The following CNKSR2 variants were observed in gnomAD, a reference collection of about 807,000 sequenced individuals.
CNKSR2 encodes the protein connector enhancer of kinase suppressor of Ras 2, also known as CNK homolog protein 2.
Under a neutral mutation model 84.4 loss-of-function variants are expected in CNKSR2, and 14 were observed. That is an observed-to-expected ratio of 0.17 (90% CI 0.11 to 0.26). CNKSR2 has a LOEUF of 0.26. Ranked by LOEUF, CNKSR2 falls within the 10% of genes least tolerant of loss-of-function variation. The pLI is 1.00. For synonymous variants in CNKSR2, 275 were observed against 277.9 expected, an observed-to-expected ratio of 0.99 and a Z score of 0.10; for missense variants, 485 against 771.2, an observed-to-expected ratio of 0.63 and a Z score of 4.40.
chrX:21,617,570 G>A (rs1218048754), intron 20 of CNKSR2, among the ~76,000 whole-genome samples: 12 of 111,631 alleles, frequency 1.1e-4, no homozygotes, highest in Admixed American at 7.6e-4. Flanking sequence ...AACTACTGTC[G>A]AAAGTTAAGG....
chrX:21,382,701 T>TA (rs2089916126), intron 1 of CNKSR2, among the ~76,000 whole-genome samples: 1 of 111,699 alleles, frequency 9.0e-6, no homozygotes, highest in South Asian at 3.7e-4. Flanking sequence ...ACCATTATCT[T>TA]ATTTATTATA....
intron 20 of CNKSR2, among the ~76,000 whole-genome samples, chrX:21,617,436 A>AT (rs1464624741): frequency 9.0e-6 from 1 of 111,696 alleles, no homozygotes; most frequent in African/African-American, 3.3e-5. Context: ...TATCTTGGAG[A>AT]TTTTTTAATT....
chrX:21,646,828 T>C (rs1193812263), intron 20 of CNKSR2, among the ~76,000 whole-genome samples: 1 of 112,035 alleles, frequency 8.9e-6, no homozygotes, highest in African/African-American at 3.2e-5. Flanking sequence ...AAAAAAAGAA[T>C]ACGATAACTA....
intron 18 of CNKSR2, among the ~76,000 whole-genome samples, chrX:21,603,048 A>G (rs2092492815): frequency 8.9e-6 from 1 of 112,196 alleles, no homozygotes; most frequent in African/African-American, 3.2e-5. Flanking sequence ...AAATTTTATT[A>G]TGGATGAAAT....
intron 4 of CNKSR2, among the ~76,000 whole-genome samples, chrX:21,449,368 A>G (rs183232250): frequency 7.3e-5 from 8 of 109,228 alleles, no homozygotes; most frequent in African/African-American, 2.7e-4. Context: ...GCAGAATGTA[A>G]CCTTAGGTTG....
intron 4 of CNKSR2, among the ~76,000 whole-genome samples, chrX:21,469,270 A>G (rs1240711381): frequency 5.4e-5 from 6 of 112,140 alleles, no homozygotes; most frequent in African/African-American, 3.2e-5. Context: ...CAAGTTCCCA[A>G]CTTTTCCCAG....
At chrX:21,524,977 T>C (rs1399171729) in intron 9 of CNKSR2, among the ~76,000 whole-genome samples, 1 of 111,186 alleles carries the variant, frequency 9.0e-6, no homozygotes, top group East Asian at 2.8e-4. Flanking sequence ...TAATATTCTG[T>C]TAAGTGAATG....
At chrX:21,601,820 A>G in intron 18 of CNKSR2, among the ~76,000 whole-genome samples, 1 of 111,982 alleles carries the variant, frequency 8.9e-6, no homozygotes, top group East Asian at 2.8e-4. Flanking sequence ...TTGCCTTGGT[A>G]TTGACCTCAG....
intron 13 of CNKSR2, among the ~76,000 whole-genome samples, chrX:21,575,888 G>A (rs752633133): frequency 2.0e-4 from 22 of 112,256 alleles, no homozygotes; most frequent in Middle Eastern, 4.6e-3. Flanking sequence ...TCACTAAGAA[G>A]ACATGACAAT....
At chrX:21,390,605 C>T (rs1230318833) in intron 1 of CNKSR2, among the ~76,000 whole-genome samples, 2 of 111,533 alleles carry the variant, frequency 1.8e-5, no homozygotes, top group Non-Finnish European at 3.8e-5. Flanking sequence ...CACCTCCCAC[C>T]AGGGCCCTCC....
intron 11 of CNKSR2, among the ~76,000 whole-genome samples, chrX:21,551,564 A>G (rs958745714): frequency 1.8e-5 from 2 of 112,197 alleles, no homozygotes; most frequent in Non-Finnish European, 3.8e-5. Flanking sequence ...AAAGCCAAGA[A>G]GAGAAACAGT....
Position 21,653,868 on chromosome X carries a change from A to G in CNKSR2, c.*1347A>G, listed in dbSNP as rs886956662. ...GAAAGGGAACCTCCTTTACTATTCT[A>G]TATCCTAAAATCTACTTCTAATCAG... On this transcript the variant is annotated 3_prime_UTR_variant, in exon 22 of 22. Coordinates refer to ENST00000379510, the MANE Select transcript of CNKSR2 (RefSeq NM_014927.5). 1.8e-5 allele frequency: 2 copies of G among 111,582 alleles called. No homozygotes were observed. Among genetic ancestry groups the G allele is most frequent in the Non-Finnish European group, 3.8e-5 (2 of 53,123 alleles). 9.2% of individuals were successfully genotyped at this position (111,582 alleles called of 1,213,427 possible).
chrX:21,375,784 T>A (rs2089803295), intron 1 of CNKSR2, among the ~76,000 whole-genome samples: 1 of 111,794 alleles, frequency 8.9e-6, no homozygotes, highest in Admixed American at 9.4e-5. Context: ...CCCTGGCGAT[T>A]TATAATAACC....
intron 8 of CNKSR2, chrX:21,505,694 A>G (rs1040319671): frequency 9.0e-6 from 1 of 111,080 alleles, no homozygotes; most frequent in African/African-American, 3.3e-5. Flanking sequence ...ATATTGTTCA[A>G]AGGAGAAGCC....
At chrX:21,397,333 A>G (rs1356385181) in intron 1 of CNKSR2, among the ~76,000 whole-genome samples, 1 of 111,745 alleles carries the variant, frequency 8.9e-6, no homozygotes, top group East Asian at 2.8e-4. Flanking sequence ...ACATGCACCT[A>G]AAACTCTTAA....
intron 9 of CNKSR2, among the ~76,000 whole-genome samples, chrX:21,516,897 A>C (rs185753543): frequency 9.0e-6 from 1 of 111,599 alleles, no homozygotes; most frequent in East Asian, 2.8e-4. Context: ...AATTTATTTC[A>C]TGCCAAAATA....
intron 13 of CNKSR2, among the ~76,000 whole-genome samples, chrX:21,570,780 A>G (rs866370049): frequency 2.7e-5 from 3 of 112,340 alleles, no homozygotes; most frequent in Middle Eastern, 4.7e-3. Flanking sequence ...AGAACAGCCC[A>G]TTGGGAGAAC....
intron 9 of CNKSR2, among the ~76,000 whole-genome samples, chrX:21,519,573 A>G (rs890403198): frequency 7.2e-5 from 8 of 111,028 alleles, no homozygotes; most frequent in African/African-American, 2.6e-4. Context: ...CAAAATGCCC[A>G]TCAGCTCATC....
At chrX:21,508,388 G>A (rs778311768) in intron 8 of CNKSR2, among the ~76,000 whole-genome samples, 1 of 111,579 alleles carries the variant, frequency 9.0e-6, no homozygotes, top group South Asian at 3.8e-4. Flanking sequence ...GCTCTTTTGG[G>A]GACTGAGGTT....
Sources: allele counts gnomAD v4.1 joint callset (sites outside exome capture counted in the v4.1 genomes callset), GRCh38; gene constraint gnomAD v4.1.1; transcripts MANE v1.5; gene names NCBI Gene and HGNC (gene_info 2026-07-23, HGNC 2026-07-21).